Variants in ZZZ3 observed in about 807,000 individuals in gnomAD.
The protein encoded by ZZZ3 is zinc finger ZZ-type containing 3.
In ZZZ3, 22 loss-of-function variants were observed where a neutral mutation model predicts 95.2. The ratio of observed to expected loss-of-function variants is 0.23; its 90% CI spans 0.17 to 0.33. ZZZ3 has a LOEUF of 0.33. ZZZ3 is among the 10% of genes least tolerant of loss of function. The pLI is 1.00. For missense variants in ZZZ3, 885 were observed against 1,066.5 expected (o/e 0.83, Z 2.37); for synonymous variants, 335 against 358.9 (o/e 0.93, Z 0.75).
chr1:77,579,784 C>G (rs1412096487), intron 9 of ZZZ3, 156 bp from the exon 10 acceptor site: 2 of 456,098 alleles, frequency 4.4e-6, no homozygotes, highest in Non-Finnish European at 7.6e-6. Context: ...GGAAAAATTT[C>G]TAGTTAGAAA....
chr1:77,584,546 T>A lies in ZZZ3; in HGVS notation c.1615A>T (p.Ile539Phe). 1 of 1,612,260 alleles carries A rather than the reference T, an allele frequency of 6.2e-7. No individual in the cohort carries two copies. Among genetic ancestry groups the A allele is most frequent in the Non-Finnish European group, 8.5e-7 (1 of 1,179,494 alleles). Residue 539 changes from isoleucine to phenylalanine, a missense_variant, in exon 6 of 15, where the codon ATT becomes TTT. Physicochemically the swap from Ile to Phe is conservative, Grantham distance 21 (BLOSUM62 0). Transcript: ENST00000370801. ...RHQREALKNP[I>F]GFVEKLQKKA... is the part of the protein sequence containing the mutation. ...TTCTGGAGTTTTTCCACAAATCCAA[T>A]GGGATTTTTCAGTGCTTCTCTCTGG...
At chr1:77,676,600 ATTGTT>A (rs1299896911) in intron 1 of ZZZ3, among the ~76,000 whole-genome samples, 1 of 152,248 alleles carries the variant, frequency 6.6e-6, no homozygotes. Context: ...ATTATAAAAC[ATTGTT>A]TTGTTAAAAA....
intron 1 of ZZZ3, among the ~76,000 whole-genome samples, chr1:77,671,909 T>C (rs1173191214): frequency 6.6e-6 from 1 of 152,134 alleles, no homozygotes; most frequent in African/African-American, 2.4e-5. Flanking sequence ...ATATACTATG[T>C]TTTTTCAATC....
At chr1:77,571,508 T>C (rs1187637262) in intron 12 of ZZZ3, among the ~76,000 whole-genome samples, 1 of 152,140 alleles carries the variant, frequency 6.6e-6, no homozygotes, top group African/African-American at 2.4e-5. Flanking sequence ...TTATTCACAA[T>C]AGCCAAAAGG....
rs368617208 is a variant in ZZZ3 at position 77,669,543 on chromosome 1, G to A, written c.-403+13042C>T. Among the ~76,000 whole-genome samples the A allele has an allele frequency of 9.2e-5, 13 of 141,016 alleles. No homozygotes were observed. In the South Asian group the frequency reaches 2.6e-3, roughly 28 times the overall value. The allele number at this position is 141,016 out of a possible 152,430, so 92.5% of individuals were successfully genotyped here. ...GCAATCTCAGCTCACTGCAACCTCC[G>A]CCCCTCTGGGTTCAAGCGATTCTCC... On this transcript the variant is annotated intron_variant, in intron 1 of 14. Transcript: ENST00000370801.
chr1:77,636,097 C>T (rs1384300194), intron 4 of ZZZ3, among the ~76,000 whole-genome samples: 1 of 152,084 alleles, frequency 6.6e-6, no homozygotes, highest in Non-Finnish European at 1.5e-5. Flanking sequence ...AAATCTAATA[C>T]ATATTATCTT....
intron 1 of ZZZ3, among the ~76,000 whole-genome samples, chr1:77,655,696 G>A (rs752091139): frequency 8.9e-4 from 135 of 152,324 alleles, no homozygotes; most frequent in Non-Finnish European, 1.6e-3. Context: ...GAATTTGTCA[G>A]CAGTAGAGCA....
At chr1:77,650,423 G>A (rs1422635513) in intron 1 of ZZZ3, among the ~76,000 whole-genome samples, 1 of 152,008 alleles carries the variant, frequency 6.6e-6, no homozygotes, top group Non-Finnish European at 1.5e-5. Flanking sequence ...CTGTGACCAC[G>A]ATGAAATTAA....
chr1:77,666,943 C>T (rs1026332620), intron 1 of ZZZ3, among the ~76,000 whole-genome samples: 17 of 152,178 alleles, frequency 1.1e-4, no homozygotes, highest in African/African-American at 3.9e-4. Context: ...AGTGAGGGAA[C>T]AGGCCATGAA....
Position 77,639,566 on chromosome 1 carries a change from T to C in ZZZ3, c.-169A>G. On this transcript the variant is annotated 5_prime_UTR_variant, in exon 4 of 15. Transcript: ENST00000370801. Reference sequence around the variant, plus strand: ...CATCAGGGTTTCAGACTCTCTCAGCTTCAGCCATGAAGAATACTAGAACCT... The same window carrying C: ...CATCAGGGTTTCAGACTCTCTCAGCCTCAGCCATGAAGAATACTAGAACCT... 1 of 946,318 alleles carries C rather than the reference T, an allele frequency of 1.1e-6. No individual in the cohort carries two copies. Among genetic ancestry groups the C allele is most frequent in the Non-Finnish European group, 1.5e-6 (1 of 680,190 alleles). 58.6% of individuals were successfully genotyped at this position (946,318 alleles called of 1,614,324 possible).
At chr1:77,665,819 G>A (rs12145949) in intron 1 of ZZZ3, among the ~76,000 whole-genome samples, 2,026 of 152,206 alleles carry the variant, frequency 0.013, 10 homozygotes, top group Middle Eastern at 0.058. Context: ...GAGGCGGGCG[G>A]ATCACCTGAC....
intron 1 of ZZZ3, among the ~76,000 whole-genome samples, chr1:77,668,829 T>A (rs1671480590): frequency 6.6e-6 from 1 of 152,208 alleles, no homozygotes; most frequent in Non-Finnish European, 1.5e-5. Context: ...GTGTTCTTCC[T>A]TGTTGGTAAG....
chr1:77,652,340 G>GA (rs1421235210), intron 1 of ZZZ3, among the ~76,000 whole-genome samples: 7 of 152,114 alleles, frequency 4.6e-5, no homozygotes, highest in Admixed American at 6.6e-5. Flanking sequence ...ATAAGCACAT[G>GA]AAAAAATGCT....
intron 5 of ZZZ3, among the ~76,000 whole-genome samples, chr1:77,603,612 C>T (rs1664952561): frequency 6.6e-6 from 1 of 152,140 alleles, no homozygotes; most frequent in South Asian, 2.1e-4. Flanking sequence ...GTTAAACATC[C>T]GGGTGCCCAT....
chr1:77,646,002 A>G (rs1206741659), intron 1 of ZZZ3, among the ~76,000 whole-genome samples: 1 of 152,048 alleles, frequency 6.6e-6, no homozygotes, highest in Admixed American at 6.6e-5. Flanking sequence ...CAGATTCAAT[A>G]AACTTGGAAT....
At chr1:77,573,133 T>C (rs1294635019) in intron 12 of ZZZ3, among the ~76,000 whole-genome samples, 3 of 152,186 alleles carry the variant, frequency 2.0e-5, no homozygotes, top group Non-Finnish European at 4.4e-5. Flanking sequence ...ATTTATTTTT[T>C]TGGAGCTGGA....
intron 1 of ZZZ3, among the ~76,000 whole-genome samples, chr1:77,679,138 G>C (rs1672524563): frequency 6.6e-6 from 1 of 152,160 alleles, no homozygotes; most frequent in Non-Finnish European, 1.5e-5. Flanking sequence ...TTTACTGAGA[G>C]TGGTTTTCAG....
intron 5 of ZZZ3, among the ~76,000 whole-genome samples, chr1:77,594,169 A>T (rs745869369): frequency 6.6e-6 from 1 of 152,114 alleles, no homozygotes; most frequent in Non-Finnish European, 1.5e-5. Flanking sequence ...TTCAAAGAGG[A>T]GAATATTTAA....
chr1:77,576,042 A>C (rs748751980), intron 12 of ZZZ3, 26 bp downstream of exon 12: 30 of 1,571,114 alleles, frequency 1.9e-5, no homozygotes, highest in Non-Finnish European at 2.6e-5. Flanking sequence ...CTTGATGTAT[A>C]TAACAACTTG....
Sources: gnomAD v4.1 joint callset for allele counts (sites outside exome capture counted in the v4.1 genomes callset) on GRCh38, gnomAD v4.1.1 for gene constraint, MANE v1.5 for transcripts, NCBI Gene and HGNC (gene_info 2026-07-23, HGNC 2026-07-21) for gene names.